Variants in MAMDC2 observed in about 807,000 individuals in gnomAD.
MAMDC2 encodes the protein MAM domain containing 2, also known as MAM domain-containing protein 2.
MAMDC2 carries 57 observed loss-of-function variants against 89.8 expected under a neutral mutation model. The ratio of observed to expected loss-of-function variants is 0.63; its 90% CI spans 0.51 to 0.79. MAMDC2 has a LOEUF of 0.79. Ranked by LOEUF, MAMDC2 falls within the 30% of genes least tolerant of loss-of-function variation. The pLI, the probability that MAMDC2 is intolerant of heterozygous loss-of-function variation, is 0.00. For synonymous variants in MAMDC2, 313 were observed against 293.4 expected (o/e 1.07, Z -0.68); for missense variants, 800 against 820.6 (o/e 0.97, Z 0.31).
At chr9:70,204,598 C>A (rs2033178672) in intron 11 of MAMDC2, among the ~76,000 whole-genome samples, 1 of 151,442 alleles carries the variant, frequency 6.6e-6, no homozygotes, top group Non-Finnish European at 1.5e-5. Flanking sequence ...TTCGAGCTTC[C>A]CGGCTGCTTT....
chr9:70,130,554 CT>C (rs1587498774), intron 6 of MAMDC2, among the ~76,000 whole-genome samples: 2 of 152,120 alleles, frequency 1.3e-5, no homozygotes, highest in Non-Finnish European at 2.9e-5. Context: ...GTTGACTGAG[CT>C]CACAGTTAAA....
chr9:70,218,533 A>G lies in MAMDC2; in HGVS notation c.1848A>G (p.Arg616=). Residue 616 remains arginine, a synonymous_variant, in exon 12 of 14, where the codon AGA becomes AGG. Transcript: ENST00000377182. ...DSEESLLWRR[R]GEQSISWLRA... ...AAGAGTCCCTCTTATGGAGGAGAAG[A>G]GGTGAACAGAGCATTTCCTGGCTAC... is the stretch of plus-strand genomic sequence containing the variant. 6 of 1,614,232 alleles carry G rather than the reference A, an allele frequency of 3.7e-6. No individual in the cohort carries two copies. The highest frequency in any genetic ancestry group is 5.1e-6 in the Non-Finnish European group (6 of 1,180,038).
chr9:70,105,655 C>T (rs73650534), intron 2 of MAMDC2, among the ~76,000 whole-genome samples: 2,122 of 152,192 alleles, frequency 0.014, 46 homozygotes, highest in African/African-American at 0.049. Context: ...TGAATAGCAC[C>T]GACTTTCATC....
intron 11 of MAMDC2, among the ~76,000 whole-genome samples, chr9:70,203,633 T>A (rs2033153620): frequency 1.6e-5 from 1 of 60,682 alleles, no homozygotes; most frequent in Admixed American, 2.3e-4. Flanking sequence ...TTCTCCTGGA[T>A]AATATCCTGC....
At chr9:70,197,972 TAGTG>T (rs2033006022) in intron 11 of MAMDC2, among the ~76,000 whole-genome samples, 1 of 152,020 alleles carries the variant, frequency 6.6e-6, no homozygotes. Context: ...AGCACAAGAA[TAGTG>T]AGTACAGTAC....
chr9:70,098,167 G>A (rs777836987), intron 2 of MAMDC2, among the ~76,000 whole-genome samples: 5 of 152,196 alleles, frequency 3.3e-5, no homozygotes, highest in African/African-American at 4.8e-5. Flanking sequence ...GACTGAAACT[G>A]TGGACTGTGC....
At chr9:70,170,905 A>AG in intron 11 of MAMDC2, 1 of 356,554 alleles carries the variant, frequency 2.8e-6, no homozygotes, top group East Asian at 4.3e-5. Flanking sequence ...AAGGTCAAAG[A>AG]GAGGGACAAA....
At chr9:70,189,974 T>A (rs1051823479) in intron 11 of MAMDC2, among the ~76,000 whole-genome samples, 1 of 152,172 alleles carries the variant, frequency 6.6e-6, no homozygotes, top group Non-Finnish European at 1.5e-5. Flanking sequence ...ATACTCTCTA[T>A]GCATTGAGTC....
intron 9 of MAMDC2, among the ~76,000 whole-genome samples, chr9:70,152,503 T>C (rs1421667404): frequency 1.3e-5 from 2 of 152,144 alleles, no homozygotes; most frequent in African/African-American, 4.8e-5. Flanking sequence ...TACACAGCTA[T>C]TAAGTGGCTG....
chr9:70,158,487 TTAAA>T (rs1259504585), intron 9 of MAMDC2, among the ~76,000 whole-genome samples: 2 of 151,380 alleles, frequency 1.3e-5, no homozygotes, highest in Non-Finnish European at 2.9e-5. Context: ...ATATTTATTT[TTAAA>T]TATATATAAT....
At chr9:70,047,568 T>A (rs1174800901) in intron 2 of MAMDC2, among the ~76,000 whole-genome samples, 1 of 152,214 alleles carries the variant, frequency 6.6e-6, no homozygotes, top group Non-Finnish European at 1.5e-5. Flanking sequence ...TTCCATGCTG[T>A]ATATGTGCTA....
At chr9:70,163,229 C>CTTTTTTTTTT (rs66957093) in intron 9 of MAMDC2, among the ~76,000 whole-genome samples, 19 of 125,068 alleles carry the variant, frequency 1.5e-4, no homozygotes, top group Non-Finnish European at 2.6e-4. Context: ...TTCTTTCTTT[C>CTTTTTTTTTT]TTTTTTTTTT....
intron 11 of MAMDC2, among the ~76,000 whole-genome samples, chr9:70,181,312 T>C (rs2032641044): frequency 6.6e-6 from 1 of 152,236 alleles, no homozygotes; most frequent in Non-Finnish European, 1.5e-5. Flanking sequence ...TTCTTTTTGC[T>C]TAGGATAGTC....
At chr9:70,122,097 G>C (rs1182250677) in intron 5 of MAMDC2, among the ~76,000 whole-genome samples, 1 of 152,150 alleles carries the variant, frequency 6.6e-6, no homozygotes, top group Admixed American at 6.5e-5. Context: ...GAAGCTTAAT[G>C]TTGCTCAAAT....
chr9:70,167,743 TG>T (rs1273483348), intron 9 of MAMDC2, among the ~76,000 whole-genome samples: 3 of 152,248 alleles, frequency 2.0e-5, no homozygotes, highest in Admixed American at 6.5e-5. Context: ...TGTCTTTCTC[TG>T]GAACAGTAGA....
At chr9:70,188,122 A>G (rs1392827517) in intron 11 of MAMDC2, among the ~76,000 whole-genome samples, 1 of 152,144 alleles carries the variant, frequency 6.6e-6, no homozygotes, top group Admixed American at 6.6e-5. Context: ...ATATTATTGT[A>G]GCCACTCCAG....
chr9:70,067,896 T>C (rs1404391763), intron 2 of MAMDC2, among the ~76,000 whole-genome samples: 4 of 152,210 alleles, frequency 2.6e-5, no homozygotes, highest in African/African-American at 4.8e-5. Context: ...GTGTGCCACC[T>C]TGGGCAGCCC....
At chr9:70,131,886 C>A (rs977758725) in intron 7 of MAMDC2, among the ~76,000 whole-genome samples, 4 of 152,164 alleles carry the variant, frequency 2.6e-5, no homozygotes, top group Non-Finnish European at 2.9e-5. Flanking sequence ...ATAATACTAA[C>A]TTATTCTCAC....
intron 11 of MAMDC2, among the ~76,000 whole-genome samples, chr9:70,197,584 T>C (rs978005983): frequency 1.3e-5 from 2 of 152,116 alleles, no homozygotes; most frequent in African/African-American, 4.8e-5. Flanking sequence ...TTATGGAATA[T>C]GATCCTAGGA....
Sources: gnomAD v4.1 joint callset for allele counts (sites outside exome capture counted in the v4.1 genomes callset) on GRCh38, gnomAD v4.1.1 for gene constraint, MANE v1.5 for transcripts, NCBI Gene and HGNC (gene_info 2026-07-23, HGNC 2026-07-21) for gene names.